RXRA: variants seen among roughly 807,000 people sequenced by gnomAD.
The protein encoded by RXRA is retinoid X receptor alpha.
A neutral mutation model predicts 44.5 loss-of-function variants in RXRA; 5 were observed. That is an observed-to-expected ratio of 0.11 (90% CI 0.06 to 0.24). The LOEUF (loss-of-function observed/expected upper bound fraction) is 0.24. Ranked by LOEUF, RXRA falls within the 10% of genes least tolerant of loss-of-function variation. The pLI is 1.00. For missense variants in RXRA, 412 were observed against 646.5 expected, an observed-to-expected ratio of 0.64 and a Z score of 3.93; for synonymous variants, 291 against 271.4, an observed-to-expected ratio of 1.07 and a Z score of -0.71.
chr9:134,363,702 G>C (rs1341881786), intron 1 of RXRA, among the ~76,000 whole-genome samples: 1 of 152,220 alleles, frequency 6.6e-6, no homozygotes, highest in Non-Finnish European at 1.5e-5. Flanking sequence ...CCTGAGCACT[G>C]CCTGTGCTGG....
chr9:134,353,594 C>T (rs1168077121), intron 1 of RXRA, among the ~76,000 whole-genome samples: 1 of 152,250 alleles, frequency 6.6e-6, no homozygotes, highest in Admixed American at 6.5e-5. Flanking sequence ...CCTGTACCTC[C>T]AACACTGCTT....
chr9:134,380,827 T>C (rs905501127), intron 1 of RXRA, among the ~76,000 whole-genome samples: 19 of 152,138 alleles, frequency 1.2e-4, no homozygotes, highest in African/African-American at 4.3e-4. Context: ...CTGCCCGTCC[T>C]GAGGTAAGGG....
In RXRA at chr9:134,392,799, G is replaced by A. The variant is rs568184797; in HGVS notation, c.29-8833G>A. Reference sequence around the variant, plus strand: ...GTTCAGGACTTCATTTTGGCCGTGCGGGTTGCACCTTGGGGATGGGCGTCC... The same window carrying A: ...GTTCAGGACTTCATTTTGGCCGTGCAGGTTGCACCTTGGGGATGGGCGTCC... On this transcript the variant is annotated intron_variant, in intron 1 of 9. Transcript: ENST00000481739. 7.2e-5 allele frequency among the ~76,000 whole-genome samples: 11 copies of A among 152,282 alleles called. No individual in the cohort carries two copies. The South Asian group carries it at 1.9e-3, about 26-fold the overall frequency.
chr9:134,433,217 C>T lies in RXRA; in HGVS notation c.1136-885C>T, dbSNP rs1267517213. 2.6e-5 allele frequency among the ~76,000 whole-genome samples: 4 copies of T among 152,104 alleles called. No individual in the cohort carries two copies. The highest frequency in any genetic ancestry group is 7.2e-5 in the African/African-American group (3 of 41,412). On this transcript the variant is annotated intron_variant, in intron 8 of 9. Transcript: ENST00000481739. This position sits in a 1 kb window ranked among gnomAD's most constrained non-coding sequence, Gnocchi z 4.2. ...CATCCGGGCCGTAATCCTGCCAGCT[C>T]GGAGGCTGAGTCATGCCACGGCCCG...
Position 134,341,516 on chromosome 9 carries a change from C to T in RXRA, c.28+14857C>T, listed in dbSNP as rs1333937244. On this transcript the variant is annotated intron_variant, in intron 1 of 9. Transcript: ENST00000481739. ...ATTTTTATTTCCTATTTTTACTTCC[C>T]CGTTGGCTCTTTTTAGCAACTCTGG... Among the ~76,000 whole-genome samples the T allele has an allele frequency of 5.9e-5, 9 of 152,318 alleles. No individual in the cohort carries two copies. The East Asian group carries it at 9.7e-4, about 16-fold the overall frequency.
At chr9:134,333,410 C>T (rs1202517301) in intron 1 of RXRA, among the ~76,000 whole-genome samples, 1 of 152,158 alleles carries the variant, frequency 6.6e-6, no homozygotes, top group Non-Finnish European at 1.5e-5. Flanking sequence ...TAATTTCCAG[C>T]TGGGCCTCGG....
rs143779838 is a variant in RXRA at position 134,360,527 on chromosome 9, A to G, written c.28+33868A>G. 5.8e-3 allele frequency among the ~76,000 whole-genome samples: 882 copies of G among 152,314 alleles called. 10 individuals carry two copies. The highest frequency in any genetic ancestry group is 0.02 in the African/African-American group (842 of 41,578). On this transcript the variant is annotated intron_variant, in intron 1 of 9. Coordinates refer to ENST00000481739, the MANE Select transcript of RXRA (RefSeq NM_002957.6). ...GTATCAGGAGACAGTGTGGGCAGCC[A>G]GTGCCCGCCGTGCCAGCGCCCCTTC...
At chr9:134,377,598 T>C (rs1830577433) in intron 1 of RXRA, among the ~76,000 whole-genome samples, 1 of 152,218 alleles carries the variant, frequency 6.6e-6, no homozygotes, top group African/African-American at 2.4e-5. Flanking sequence ...ATATCCGTTT[T>C]CCCAACTTCC....
chr9:134,328,144 G>T (rs2119002540), intron 1 of RXRA, among the ~76,000 whole-genome samples: 1 of 152,204 alleles, frequency 6.6e-6, no homozygotes, highest in South Asian at 2.1e-4. Context: ...TTAAAGCTTT[G>T]CACTCACACA....
rs1018483527 is a variant in RXRA at position 134,398,125 on chromosome 9, G to A, written c.29-3507G>A. Among the ~76,000 whole-genome samples the A allele has an allele frequency of 2.6e-5, 4 of 152,112 alleles. No homozygotes were observed. In the East Asian group the frequency reaches 5.8e-4, roughly 22 times the overall value. ...CTCCCAAGTAGCTGGAATTACAGGC[G>A]TGCACCACCATGCCCAGCTAATTTT... On this transcript the variant is annotated intron_variant, in intron 1 of 9. Transcript: ENST00000481739.
chr9:134,363,191 T>C (rs921369069), intron 1 of RXRA, among the ~76,000 whole-genome samples: 4 of 152,138 alleles, frequency 2.6e-5, no homozygotes, highest in African/African-American at 9.7e-5. Context: ...TGGGGACCTT[T>C]TGGGAGTCGT....
intron 1 of RXRA, among the ~76,000 whole-genome samples, chr9:134,387,420 C>G (rs1445379093): frequency 1.3e-5 from 2 of 152,246 alleles, no homozygotes; most frequent in African/African-American, 4.8e-5. Flanking sequence ...GGGAGGGACT[C>G]AAACCAGATC....
chr9:134,370,337 G>A (rs1830476001), intron 1 of RXRA, among the ~76,000 whole-genome samples: 2 of 152,316 alleles, frequency 1.3e-5, no homozygotes, highest in African/African-American at 4.8e-5. Flanking sequence ...CCCTCGCCGT[G>A]TCCACTGCTG....
intron 7 of RXRA, among the ~76,000 whole-genome samples, chr9:134,430,851 G>C (rs1287986792): frequency 6.6e-6 from 1 of 152,224 alleles, no homozygotes; most frequent in Non-Finnish European, 1.5e-5. Context: ...AGAGGCCCCG[G>C]CATTTCCTCG....
intron 1 of RXRA, among the ~76,000 whole-genome samples, chr9:134,380,717 A>G (rs988591367): frequency 6.6e-6 from 1 of 151,980 alleles, no homozygotes; most frequent in African/African-American, 2.4e-5. Flanking sequence ...TGGGGAGTGC[A>G]GCTGGCCACC....
At chr9:134,382,308 C>T (rs1166830492) in intron 1 of RXRA, among the ~76,000 whole-genome samples, 1 of 151,844 alleles carries the variant, frequency 6.6e-6, no homozygotes, top group Admixed American at 6.6e-5. Context: ...TTTGACTGGG[C>T]TCGGAGGGCT....
rs1564288243 is a variant in RXRA, at chr9:134,407,241, G to C, written c.280-908G>C. ...CAAACTCTTCCTGTCCCGTGAGAAG[G>C]GGGGATGGGATTTGGAGGCCTGAGG... On this transcript the variant is annotated intron_variant, in intron 2 of 9. Coordinates refer to ENST00000481739, the MANE Select transcript of RXRA (RefSeq NM_002957.6). This position sits in a 1 kb window ranked among gnomAD's most constrained non-coding sequence, Gnocchi z 4.8. Among the ~76,000 whole-genome samples, 1 of 152,250 alleles carries C rather than the reference G, an allele frequency of 6.6e-6. No individual in the cohort carries two copies. Among genetic ancestry groups the C allele is most frequent in the African/African-American group, 2.4e-5 (1 of 41,464 alleles).
intron 1 of RXRA, among the ~76,000 whole-genome samples, chr9:134,338,857 T>A (rs1830046078): frequency 6.6e-6 from 1 of 152,070 alleles, no homozygotes; most frequent in South Asian, 2.1e-4. Flanking sequence ...AGCCCAGAGA[T>A]CCTCCCTCCA....
At chr9:134,413,463 C>T (rs1831183359) in intron 4 of RXRA, among the ~76,000 whole-genome samples, 1 of 152,150 alleles carries the variant, frequency 6.6e-6, no homozygotes, top group African/African-American at 2.4e-5. Context: ...GTAAGTCACT[C>T]CCTTTAGAGA....
Sources: allele counts gnomAD v4.1 joint callset (sites outside exome capture counted in the v4.1 genomes callset), GRCh38; gene constraint gnomAD v4.1.1; non-coding constraint Gnocchi (gnomAD v3.1); transcripts MANE v1.5; gene names NCBI Gene and HGNC (gene_info 2026-07-23, HGNC 2026-07-21).